The following RAB39A variants were observed in gnomAD, a reference collection of about 807,000 sequenced individuals.
RAB39A encodes the protein RAB39A, member RAS oncogene family.
Under a neutral mutation model 20.9 loss-of-function variants are expected in RAB39A, and 17 were observed. The ratio of observed to expected loss-of-function variants is 0.81; its 90% CI spans 0.56 to 1.22. The LOEUF is 1.22. RAB39A is among the 50% of genes most tolerant of loss of function. The pLI is 0.00. For synonymous variants in RAB39A, 99 were observed against 103.4 expected (o/e 0.96, Z 0.26); for missense variants, 234 against 270.5 (o/e 0.87, Z 0.95).
chr11:107,936,675 C>T (rs1204947228), intron 1 of RAB39A, among the ~76,000 whole-genome samples: 3 of 152,064 alleles, frequency 2.0e-5, no homozygotes, highest in Non-Finnish European at 4.4e-5. Flanking sequence ...TGGTTCATGG[C>T]CTTCAAAAGA....
At chr11:107,939,865 G>T (rs910714312) in intron 1 of RAB39A, among the ~76,000 whole-genome samples, 1 of 152,102 alleles carries the variant, frequency 6.6e-6, no homozygotes, top group African/African-American at 2.4e-5. Context: ...TCAAAACAAG[G>T]GCTAGAAAAA....
rs1010294702 is a variant in RAB39A, at chr11:107,962,233, C to T, written c.515C>T (p.Thr172Met). The change falls in exon 2 of 2, where the codon ACG becomes ATG. Residue 172 changes from threonine (T) to methionine (M), a missense_variant. Transcript: ENST00000320578. ...TNVEESFTILTRDIYELIKKG... is the reference protein window; with the variant it reads ...TNVEESFTILMRDIYELIKKG... ...GTTGAAGAATCCTTCACAATCTTGA[C>T]GAGAGACATATATGAACTTATTAAA... 16 of 1,613,680 alleles carry T rather than the reference C, an allele frequency of 9.9e-6. No individual in the cohort carries two copies. In the East Asian group the frequency reaches 1.1e-4, roughly 11 times the overall value.
chr11:107,933,377 C>CTTTTT (rs71047649), intron 1 of RAB39A, among the ~76,000 whole-genome samples: 6 of 73,060 alleles, frequency 8.2e-5, no homozygotes, highest in African/African-American at 1.3e-4. Context: ...TTTATTCTTT[C>CTTTTT]TTTTTTTTTT....
Position 107,928,939 on chromosome 11 carries a change from C to T in RAB39A, c.227+144C>T, listed in dbSNP as rs759408053. Reference sequence around the variant, plus strand: ...AAGTGCAAACACTCCATTCTCGCTTCCCCTTTGCCCCTCCTCTTCCAGGGA... The same window carrying T: ...AAGTGCAAACACTCCATTCTCGCTTTCCCTTTGCCCCTCCTCTTCCAGGGA... On this transcript the variant is annotated intron_variant, in intron 1 of 1. Coordinates refer to ENST00000320578, the MANE Select transcript of RAB39A (RefSeq NM_017516.3). The surrounding 1 kb of genome is among the most constrained non-coding windows in gnomAD (Gnocchi z 4.9). The T allele has an allele frequency of 1.4e-4, 71 of 524,942 alleles. No homozygotes were observed. Among genetic ancestry groups the T allele is most frequent in the Admixed American group, 8.3e-4 (23 of 27,616 alleles). 32.5% of individuals were successfully genotyped at this position (524,942 alleles called of 1,614,324 possible). A position where few individuals can be genotyped will look rare whatever the true frequency, so the allele number is the denominator to read the frequency against.
chr11:107,942,807 G>T (rs915384608), intron 1 of RAB39A, among the ~76,000 whole-genome samples: 1 of 152,116 alleles, frequency 6.6e-6, no homozygotes, highest in African/African-American at 2.4e-5. Context: ...GTGTGTGTGT[G>T]TGTATGTCTC....
chr11:107,936,062 GC>G (rs1186643863), intron 1 of RAB39A, among the ~76,000 whole-genome samples: 5 of 151,938 alleles, frequency 3.3e-5, no homozygotes, highest in African/African-American at 9.7e-5. Flanking sequence ...ACCATACTCA[GC>G]TAGTTTTTGT....
chr11:107,942,413 G>A (rs947135083), intron 1 of RAB39A, among the ~76,000 whole-genome samples: 1 of 152,060 alleles, frequency 6.6e-6, no homozygotes, highest in Admixed American at 6.6e-5. Context: ...TTTGTTTTTT[G>A]AGATGGGGTC....
chr11:107,956,156 G>A (rs1385405074), intron 1 of RAB39A, among the ~76,000 whole-genome samples: 1 of 152,184 alleles, frequency 6.6e-6, no homozygotes, highest in East Asian at 1.9e-4. Context: ...TAGATATAAT[G>A]TTGGGCACCT....
At chr11:107,937,083 T>A (rs764748106) in intron 1 of RAB39A, among the ~76,000 whole-genome samples, 9 of 152,180 alleles carry the variant, frequency 5.9e-5, no homozygotes, top group Non-Finnish European at 1.2e-4. Context: ...TCAGGTAATA[T>A]AATGTCTTAG....
chr11:107,955,057 C>T (rs1371786468), intron 1 of RAB39A, among the ~76,000 whole-genome samples: 1 of 144,510 alleles, frequency 6.9e-6, no homozygotes, highest in Non-Finnish European at 1.5e-5. Flanking sequence ...AGTGCAGTGG[C>T]CCGATCTCGG....
At chr11:107,961,494 A>G (rs1433918552) in intron 1 of RAB39A, among the ~76,000 whole-genome samples, 2 of 152,192 alleles carry the variant, frequency 1.3e-5, no homozygotes, top group Admixed American at 1.3e-4. Context: ...TTCGATCCAT[A>G]CTACAGCCCT....
chr11:107,933,247 C>G (rs1178090958), intron 1 of RAB39A, among the ~76,000 whole-genome samples: 1 of 151,214 alleles, frequency 6.6e-6, no homozygotes, highest in African/African-American at 2.4e-5. Context: ...TTAATGTCCT[C>G]CTCGTGCAGT....
Position 107,962,430 on chromosome 11 carries a change from C to G in RAB39A, c.*58C>G. ...ATTGGGTGTCAGTTCAGGATAAATA[C>G]CAACATTAACAGCAGAATGATGCAA... is the stretch of plus-strand genomic sequence containing the variant. On this transcript the variant is annotated 3_prime_UTR_variant, in exon 2 of 2. Transcript: ENST00000320578. 1 of 1,417,030 alleles carries G rather than the reference C, an allele frequency of 7.1e-7. No homozygotes were observed. The highest frequency in any genetic ancestry group is 9.6e-7 in the Non-Finnish European group (1 of 1,042,812). The allele number at this position is 1,417,030 out of a possible 1,614,324, so 87.8% of individuals were successfully genotyped here.
chr11:107,948,454 G>T (rs1861340700), intron 1 of RAB39A, among the ~76,000 whole-genome samples: 1 of 152,088 alleles, frequency 6.6e-6, no homozygotes, highest in South Asian at 2.1e-4. Context: ...GAAGTTGCAT[G>T]TGGTGATTTT....
intron 1 of RAB39A, among the ~76,000 whole-genome samples, chr11:107,951,817 C>T (rs1048092397): frequency 6.6e-6 from 1 of 151,950 alleles, no homozygotes. Flanking sequence ...ATTCCAGGGC[C>T]TATGGAGTTT....
At chr11:107,946,690 G>A (rs1861322413) in intron 1 of RAB39A, among the ~76,000 whole-genome samples, 1 of 150,592 alleles carries the variant, frequency 6.6e-6, no homozygotes, top group South Asian at 2.1e-4. Context: ...TAGCCAGGAT[G>A]GTCTCGATCT....
chr11:107,940,333 C>T lies in RAB39A; in HGVS notation c.227+11538C>T, dbSNP rs73553024. Among the ~76,000 whole-genome samples the T allele has an allele frequency of 7.2e-3, 1,091 of 152,024 alleles. 12 individuals are homozygous for T. Among genetic ancestry groups the T allele is most frequent in the African/African-American group, 0.025 (1,036 of 41,448 alleles). On this transcript the variant is annotated intron_variant, in intron 1 of 1. Coordinates refer to ENST00000320578, the MANE Select transcript of RAB39A (RefSeq NM_017516.3). ...AGGTTCTAGTACAGTGGCACGATCT[C>T]GGCTTTCTGCAACCTCTGTCTCCCG...
At chr11:107,949,772 A>G (rs1376611091) in intron 1 of RAB39A, among the ~76,000 whole-genome samples, 4 of 152,192 alleles carry the variant, frequency 2.6e-5, no homozygotes, top group Admixed American at 1.3e-4. Flanking sequence ...TTAATTTCCA[A>G]ATAAATTATT....
At chr11:107,934,752 A>AC (rs1861176136) in intron 1 of RAB39A, among the ~76,000 whole-genome samples, 5 of 151,524 alleles carry the variant, frequency 3.3e-5, no homozygotes, top group African/African-American at 4.8e-5. Context: ...ACATGGTGAA[A>AC]CCCCCATCTC....
Sources: allele counts gnomAD v4.1 joint callset (sites outside exome capture counted in the v4.1 genomes callset), GRCh38; gene constraint gnomAD v4.1.1; non-coding constraint Gnocchi (gnomAD v3.1); transcripts MANE v1.5; gene names NCBI Gene and HGNC (gene_info 2026-07-23, HGNC 2026-07-21).